Variants in PEAK1 observed in about 807,000 individuals in gnomAD.
PEAK1 encodes the protein inactive tyrosine-protein kinase PEAK1.
A neutral mutation model predicts 124.7 loss-of-function variants in PEAK1; 54 were observed. That is an observed-to-expected ratio of 0.43 (90% CI 0.35 to 0.54). The LOEUF is 0.54. Ranked by LOEUF, PEAK1 falls within the 20% of genes least tolerant of loss-of-function variation. PEAK1 has a pLI of 0.01. For missense variants in PEAK1, 2,046 were observed against 2,134.5 expected (o/e 0.96, Z 0.82); for synonymous variants, 719 against 760.0 (o/e 0.95, Z 0.89).
At chr15:77,235,869 A>G (rs1308381155) in intron 6 of PEAK1, among the ~76,000 whole-genome samples, 3 of 152,212 alleles carry the variant, frequency 2.0e-5, no homozygotes, top group Non-Finnish European at 4.4e-5. Flanking sequence ...ATGGCTAAAA[A>G]GGGCCAAAGT....
At chr15:77,176,295 T>C (rs1267833895) in intron 7 of PEAK1, among the ~76,000 whole-genome samples, 1 of 132,290 alleles carries the variant, frequency 7.6e-6, no homozygotes, top group Non-Finnish European at 1.7e-5. Context: ...AAAAGAAAAA[T>C]GCTAACAAAT....
At chr15:77,360,929 G>A (rs549842947) in intron 2 of PEAK1, among the ~76,000 whole-genome samples, 1 of 152,086 alleles carries the variant, frequency 6.6e-6, no homozygotes, top group Non-Finnish European at 1.5e-5. Context: ...ACTAGAAGAA[G>A]ACATAGGGGA....
chr15:77,122,427 G>A (rs2152724592), intron 9 of PEAK1, among the ~76,000 whole-genome samples: 1 of 152,322 alleles, frequency 6.6e-6, no homozygotes, highest in Non-Finnish European at 1.5e-5. Flanking sequence ...TAGGCTGACA[G>A]AATGATGCCC....
chr15:77,182,310 C>T (rs1444423282), intron 6 of PEAK1, among the ~76,000 whole-genome samples: 2 of 152,102 alleles, frequency 1.3e-5, no homozygotes, highest in East Asian at 3.9e-4. Flanking sequence ...GTGACCTTCC[C>T]TCCCAGAAAT....
In PEAK1 at chr15:77,142,149, C is replaced by G. The variant is rs1362522581; in HGVS notation, c.3332-8399G>C. 3.3e-5 allele frequency among the ~76,000 whole-genome samples: 5 copies of G among 151,948 alleles called. No homozygotes were observed. In the East Asian group the frequency reaches 9.6e-4, roughly 29 times the overall value. ...ACTCTTTTGAAAAAGATAAATAACC[C>G]AAGTAAAAATGGGTAAAAGATTTGC... On this transcript the variant is annotated intron_variant, in intron 8 of 9. Coordinates refer to ENST00000682557, the MANE Select transcript of PEAK1 (RefSeq NM_001385026.1).
chr15:77,250,794 C>T (rs569943347), intron 6 of PEAK1, among the ~76,000 whole-genome samples: 1 of 152,050 alleles, frequency 6.6e-6, no homozygotes, highest in Non-Finnish European at 1.5e-5. Context: ...GTCTTGAACT[C>T]CTGACCTCAA....
intron 2 of PEAK1, chr15:77,348,931 C>T (rs2067039705): frequency 1.1e-6 from 1 of 948,858 alleles, no homozygotes; most frequent in Non-Finnish European, 1.3e-6. Context: ...CATGACTTAC[C>T]ATGTATGGAC....
chr15:77,345,951 GCAAAGGT>G, intron 2 of PEAK1: 1 of 985,126 alleles, frequency 1.0e-6, no homozygotes, highest in Non-Finnish European at 1.2e-6. Context: ...CATAGCAATG[GCAAAGGT>G]CTATCATGGT....
chr15:77,335,169 C>T (rs1168551191), intron 2 of PEAK1: 1 of 985,330 alleles, frequency 1.0e-6, no homozygotes, highest in African/African-American at 1.7e-5. Context: ...TAGGAACATG[C>T]ATTAAGTTTA....
At chr15:77,340,451 G>C (rs1374376582) in intron 2 of PEAK1, among the ~76,000 whole-genome samples, 1 of 152,162 alleles carries the variant, frequency 6.6e-6, no homozygotes, top group African/African-American at 2.4e-5. Flanking sequence ...AATTGCCAAG[G>C]GTTCAGCGGC....
rs186178277 is a variant in PEAK1 at position 77,162,146 on chromosome 15, A to G, written c.3138-3450T>C. On this transcript the variant is annotated intron_variant, in intron 7 of 9. Coordinates refer to ENST00000682557, the MANE Select transcript of PEAK1 (RefSeq NM_001385026.1). The stretch of plus-strand genomic sequence containing the variant: ...ATAAACAGACAAATCATTCAGGAAG[A>G]AAGAAAAAAAGGAAAATCTCTGATT... Among the ~76,000 whole-genome samples the G allele has an allele frequency of 1.6e-3, 238 of 152,188 alleles. 2 individuals carry two copies. Among genetic ancestry groups the G allele is most frequent in the Non-Finnish European group, 4.1e-4 (28 of 68,008 alleles).
intron 2 of PEAK1, among the ~76,000 whole-genome samples, chr15:77,290,999 A>C (rs1470181503): frequency 6.6e-6 from 1 of 152,250 alleles, no homozygotes; most frequent in Non-Finnish European, 1.5e-5. Flanking sequence ...TAACAAAGGC[A>C]TATTTTCTAT....
chr15:77,300,019 C>T (rs540575594), intron 2 of PEAK1, among the ~76,000 whole-genome samples: 4 of 152,320 alleles, frequency 2.6e-5, no homozygotes, highest in East Asian at 3.9e-4. Context: ...CCTCATTCTT[C>T]GAGCTCTACT....
chr15:77,291,791 C>G (rs374311998), intron 2 of PEAK1, among the ~76,000 whole-genome samples: 2 of 152,002 alleles, frequency 1.3e-5, no homozygotes, highest in African/African-American at 4.8e-5. Context: ...TCCTGGCTAA[C>G]ACGGTGAAAC....
chr15:77,350,749 T>C, intron 2 of PEAK1: 4 of 984,586 alleles, frequency 4.1e-6, no homozygotes, highest in Non-Finnish European at 3.6e-6. Context: ...AAGCACCTTA[T>C]GGATTAATAA....
intron 4 of PEAK1, among the ~76,000 whole-genome samples, chr15:77,284,455 T>C (rs998568636): frequency 2.0e-5 from 3 of 152,194 alleles, no homozygotes; most frequent in Non-Finnish European, 2.9e-5. Context: ...GTAGAGCACA[T>C]GAGTCAGTAG....
Position 77,361,029 on chromosome 15 carries a change from C to T in PEAK1, c.-603+4134G>A, listed in dbSNP as rs950042225. Among the ~76,000 whole-genome samples the T allele has an allele frequency of 5.9e-5, 9 of 152,166 alleles. No homozygotes were observed. In the South Asian group the frequency reaches 1.5e-3, roughly 25 times the overall value. The stretch of plus-strand genomic sequence containing the variant: ...AAAGCAAAAGAAACAAACGGGATTA[C>T]ATCAAATTAACTTCTGTACAGCCAA... On this transcript the variant is annotated intron_variant, in intron 2 of 9. Transcript: ENST00000682557.
At chr15:77,269,318 G>T (rs1172973662) in intron 5 of PEAK1, among the ~76,000 whole-genome samples, 1 of 152,056 alleles carries the variant, frequency 6.6e-6, no homozygotes, top group Non-Finnish European at 1.5e-5. Context: ...TAACAGGGTG[G>T]AAAAAGATAC....
intron 2 of PEAK1, among the ~76,000 whole-genome samples, chr15:77,354,391 T>C (rs1393546222): frequency 6.6e-6 from 1 of 152,212 alleles, no homozygotes; most frequent in African/African-American, 2.4e-5. Flanking sequence ...CCTCTTCAAG[T>C]TATCTCCTAT....
Sources: gnomAD v4.1 joint callset for allele counts (sites outside exome capture counted in the v4.1 genomes callset) on GRCh38, gnomAD v4.1.1 for gene constraint, MANE v1.5 for transcripts, NCBI Gene and HGNC (gene_info 2026-07-23, HGNC 2026-07-21) for gene names.